SMYD3: variants seen among roughly 807,000 people sequenced by gnomAD.
SMYD3 encodes the protein histone-lysine N-methyltransferase SMYD3.
In SMYD3, 36 loss-of-function variants were observed where a neutral mutation model predicts 57.7. That is an observed-to-expected ratio of 0.62 (90% CI 0.48 to 0.82). The LOEUF is 0.82. Among genes scored for constraint, SMYD3 ranks in the 40% least tolerant of loss-of-function variants. The pLI, the probability that SMYD3 is intolerant of heterozygous loss-of-function variation, is 0.00. For synonymous variants in SMYD3, 211 were observed against 195.0 expected (o/e 1.08, Z -0.68); for missense variants, 515 against 538.8 (o/e 0.96, Z 0.44).
chr1:246,493,420 C>G (rs1477334629), intron 1 of SMYD3, among the ~76,000 whole-genome samples: 3 of 152,174 alleles, frequency 2.0e-5, no homozygotes. Flanking sequence ...TCAATACCTT[C>G]ATTTCAAAAA....
rs554403510 is a variant in SMYD3, at chr1:246,330,565, T to A, written c.337-28A>T. On this transcript the variant is annotated intron_variant, in intron 3 of 11. Transcript: ENST00000490107. ...GTGAAGGAAAAGGGGAAAACGCCAATAACAATTTCAAGTGTTCCAATATAT... is the reference window on the plus strand; with the variant it reads ...GTGAAGGAAAAGGGGAAAACGCCAAAAACAATTTCAAGTGTTCCAATATAT... The A allele has an allele frequency of 5.1e-6, 8 of 1,570,732 alleles. No homozygotes were observed. In the South Asian group the frequency reaches 9.9e-5, roughly 20 times the overall value.
chr1:245,824,801 G>A (rs1343511847), intron 10 of SMYD3, among the ~76,000 whole-genome samples: 6 of 151,118 alleles, frequency 4.0e-5, no homozygotes, highest in Non-Finnish European at 7.4e-5. Flanking sequence ...GGTTGCAGTG[G>A]GCCGAGATCG....
At chr1:246,228,141 T>C (rs1264296796) in intron 5 of SMYD3, among the ~76,000 whole-genome samples, 2 of 151,996 alleles carry the variant, frequency 1.3e-5, no homozygotes, top group Non-Finnish European at 1.5e-5. Context: ...GGCTAATTTT[T>C]GTATTTTTAG....
At chr1:245,967,019 A>G (rs981655117) in intron 5 of SMYD3, among the ~76,000 whole-genome samples, 1 of 152,106 alleles carries the variant, frequency 6.6e-6, no homozygotes, top group South Asian at 2.1e-4. Context: ...CAGAACTCCA[A>G]CTGCTTTTTG....
intron 5 of SMYD3, among the ~76,000 whole-genome samples, chr1:246,118,741 A>T (rs940127874): frequency 2.9e-5 from 4 of 140,120 alleles, no homozygotes; most frequent in Admixed American, 1.4e-4. Context: ...TTTTTTTTTA[A>T]AATGTGTGCT....
intron 1 of SMYD3, among the ~76,000 whole-genome samples, chr1:246,463,525 C>A (rs1427371173): frequency 6.6e-6 from 1 of 152,136 alleles, no homozygotes; most frequent in South Asian, 2.1e-4. Flanking sequence ...CAGTTAAATA[C>A]AAGAGTGTGG....
chr1:246,153,371 A>G (rs2061973669), intron 5 of SMYD3, among the ~76,000 whole-genome samples: 1 of 140,914 alleles, frequency 7.1e-6, no homozygotes, highest in Non-Finnish European at 1.5e-5. Flanking sequence ...CTTCCCACTC[A>G]TCACTTCCCC....
chr1:246,222,313 AG>A (rs2063268699), intron 5 of SMYD3, among the ~76,000 whole-genome samples: 1 of 152,180 alleles, frequency 6.6e-6, no homozygotes, highest in South Asian at 2.1e-4. Context: ...TAGATATTAC[AG>A]GTATTATTAC....
intron 10 of SMYD3, among the ~76,000 whole-genome samples, chr1:245,842,164 G>A (rs1338845541): frequency 2.0e-5 from 3 of 152,078 alleles, no homozygotes; most frequent in African/African-American, 4.8e-5. Flanking sequence ...ATCTAATGAC[G>A]CATTTCTCCG....
intron 1 of SMYD3, among the ~76,000 whole-genome samples, chr1:246,423,777 G>C (rs116525696): frequency 0.023 from 3,488 of 152,274 alleles, 93 homozygotes; most frequent in African/African-American, 0.064. Context: ...CTGTTTAAAA[G>C]AGGGAGGGAG....
chr1:246,273,847 G>A (rs376296584), intron 5 of SMYD3, among the ~76,000 whole-genome samples: 3 of 152,114 alleles, frequency 2.0e-5, no homozygotes, highest in African/African-American at 7.2e-5. Context: ...TAAGTGCTGG[G>A]ATTACAGGCG....
chr1:245,956,827 G>C (rs991962137), intron 5 of SMYD3, among the ~76,000 whole-genome samples: 4 of 152,180 alleles, frequency 2.6e-5, no homozygotes, highest in African/African-American at 9.7e-5. Flanking sequence ...GCAATGATTT[G>C]TCTCTCACTA....
intron 1 of SMYD3, among the ~76,000 whole-genome samples, chr1:246,376,363 A>G (rs1215146212): frequency 6.6e-6 from 1 of 151,420 alleles, no homozygotes; most frequent in African/African-American, 2.4e-5. Context: ...GGCCGAGGTG[A>G]GCGGATCACC....
At chr1:246,264,171 C>T (rs1006889410) in intron 5 of SMYD3, among the ~76,000 whole-genome samples, 4 of 152,090 alleles carry the variant, frequency 2.6e-5, no homozygotes, top group African/African-American at 9.7e-5. Flanking sequence ...AGCAGTAACT[C>T]TTGTTTATTC....
At chr1:246,022,690 G>C (rs1361429147) in intron 5 of SMYD3, among the ~76,000 whole-genome samples, 1 of 152,134 alleles carries the variant, frequency 6.6e-6, no homozygotes. Flanking sequence ...ATTGTAGATG[G>C]GTATAACTAA....
chr1:245,911,797 G>GACC (rs2055010186), intron 8 of SMYD3, among the ~76,000 whole-genome samples: 2 of 152,004 alleles, frequency 1.3e-5, no homozygotes, highest in Admixed American at 1.3e-4. Context: ...TCAATAGGAG[G>GACC]AGTAAGATCT....
chr1:246,457,543 AAAAAAGAAAAGAAAAG>A (rs1264653575), intron 1 of SMYD3, among the ~76,000 whole-genome samples: 8 of 95,586 alleles, frequency 8.4e-5, no homozygotes, highest in Admixed American at 2.0e-4. Flanking sequence ...AAAAAAAAAA[AAAAAAGAAAAGAAAAG>A]AAAAGAAAAG....
In SMYD3 at chr1:246,107,294, G is replaced by GA. The variant is rs918207260; in HGVS notation, c.532-177358dup. Among the ~76,000 whole-genome samples the GA allele has an allele frequency of 1.3e-3, 176 of 138,122 alleles. 1 individual carries two copies. The highest frequency in any genetic ancestry group is 3.5e-3 in the Middle Eastern group (1 of 286). The allele number at this position is 138,122 out of a possible 152,430, so 90.6% of individuals were successfully genotyped here. ...AGAGCAAGATTCCATCGCAAAAAAA[G>GA]AAAAAAAAAAAGAATTTTGAAATGG... On this transcript the variant is annotated intron_variant, in intron 5 of 11. Transcript: ENST00000490107.
rs12079352 is a variant in SMYD3 at position 246,023,666 on chromosome 1, A to C, written c.532-93729T>G. 7.7e-4 allele frequency among the ~76,000 whole-genome samples: 118 copies of C among 152,272 alleles called. 1 individual carries two copies. The highest frequency in any genetic ancestry group is 2.6e-3 in the African/African-American group (108 of 41,566). On this transcript the variant is annotated intron_variant, in intron 5 of 11. Coordinates refer to ENST00000490107, the MANE Select transcript of SMYD3 (RefSeq NM_001167740.2). ...GCTCTTGCTTTCCACTTTAAGACAA[A>C]GAGAGGGACATACAACAAAAAAGAC...
Sources: allele counts gnomAD v4.1 joint callset (sites outside exome capture counted in the v4.1 genomes callset), GRCh38; gene constraint gnomAD v4.1.1; transcripts MANE v1.5; gene names NCBI Gene and HGNC (gene_info 2026-07-23, HGNC 2026-07-21).